Variants in RBM27 observed in about 807,000 individuals in gnomAD.
RBM27 encodes the protein RNA binding motif protein 27.
RBM27 carries 22 observed loss-of-function variants against 135.3 expected under a neutral mutation model. That is an observed-to-expected ratio of 0.16 (90% CI 0.12 to 0.23). The LOEUF is 0.23. Among genes scored for constraint, RBM27 ranks in the 10% least tolerant of loss-of-function variants. The pLI is 1.00. For missense variants in RBM27, 1,009 were observed against 1,281.0 expected (o/e 0.79, Z 3.24); for synonymous variants, 481 against 442.4 (o/e 1.09, Z -1.10).
rs1314500766 is a variant in RBM27 at position 146,232,357 on chromosome 5, G to A, written c.851-1093G>A. Among the ~76,000 whole-genome samples the A allele has an allele frequency of 1.3e-5, 2 of 152,118 alleles. 1 individual carries two copies. Among genetic ancestry groups the A allele is most frequent in the Non-Finnish European group, 2.9e-5 (2 of 68,006 alleles). The stretch of plus-strand genomic sequence containing the variant: ...TACTCCTTGCCAAGGCCAACGTAAT[G>A]TTATCAATTTGTTGTTTATCTTTCC... On this transcript the variant is annotated intron_variant, in intron 6 of 20. Transcript: ENST00000265271.
intron 15 of RBM27, among the ~76,000 whole-genome samples, chr5:146,268,189 G>A (rs1385552819): frequency 2.0e-5 from 3 of 151,686 alleles, no homozygotes; most frequent in Non-Finnish European, 2.9e-5. Flanking sequence ...ACAGGAGGGT[G>A]GGAGGCAAAA....
chr5:146,277,406 A>G (rs1442954948), intron 19 of RBM27, among the ~76,000 whole-genome samples: 1 of 152,194 alleles, frequency 6.6e-6, no homozygotes, highest in African/African-American at 2.4e-5. Context: ...AGAATATGCC[A>G]TAATTTTTAT....
At chr5:146,235,525 C>T (rs1259982079) in intron 7 of RBM27, among the ~76,000 whole-genome samples, 2 of 151,294 alleles carry the variant, frequency 1.3e-5, no homozygotes, top group Non-Finnish European at 2.9e-5. Flanking sequence ...CACTGCACTG[C>T]AGCCTGGGTG....
chr5:146,240,223 A>G (rs1309672075), intron 8 of RBM27, among the ~76,000 whole-genome samples: 2 of 149,494 alleles, frequency 1.3e-5, no homozygotes, highest in Non-Finnish European at 3.0e-5. Context: ...TTTCCTACTA[A>G]TATACTCTGT....
chr5:146,283,493 C>T (rs190160651), intron 19 of RBM27, among the ~76,000 whole-genome samples: 47 of 152,062 alleles, frequency 3.1e-4, no homozygotes, highest in African/African-American at 1.0e-3. Context: ...GTGTGATCTT[C>T]CCACTGCACA....
At chr5:146,274,515 C>T (rs1278273172) in intron 19 of RBM27, among the ~76,000 whole-genome samples, 3 of 152,154 alleles carry the variant, frequency 2.0e-5, no homozygotes, top group Non-Finnish European at 4.4e-5. Context: ...GCCCGCCGGC[C>T]GCGTTGGCCT....
rs769679530 is a variant in RBM27 at position 146,223,422 on chromosome 5, C to T, written c.198C>T (p.Asp66=). The T allele has an allele frequency of 6.3e-7, 1 of 1,595,098 alleles. No homozygotes were observed. ...CCTTAGAAACTTCAGGTTTTGTGGA[C>T]AAACTATTTGAAAGTCTCTATACTA... is the stretch of plus-strand genomic sequence containing the variant. ...FLQKETSGFV[D]KLFESLYTKN... The change falls in exon 3 of 21, where the codon GAC becomes GAT. Residue 66 remains aspartate (D), a synonymous_variant. Coordinates refer to ENST00000265271, the MANE Select transcript of RBM27 (RefSeq NM_018989.2).
chr5:146,268,245 C>CCT (rs1758704296), intron 15 of RBM27, among the ~76,000 whole-genome samples: 1 of 142,248 alleles, frequency 7.0e-6, no homozygotes, highest in Admixed American at 7.1e-5. Context: ...TTTCTTATTT[C>CCT]TTTTTTTTTT....
chr5:146,247,718 G>A (rs1295243776), intron 8 of RBM27, among the ~76,000 whole-genome samples: 2 of 151,638 alleles, frequency 1.3e-5, no homozygotes, highest in Admixed American at 1.3e-4. Flanking sequence ...TCTTTTTTTG[G>A]CAAGAACATT....
chr5:146,244,092 A>G (rs994419946), intron 8 of RBM27, among the ~76,000 whole-genome samples: 1 of 152,248 alleles, frequency 6.6e-6, no homozygotes, highest in Non-Finnish European at 1.5e-5. Context: ...TAAAGCATTC[A>G]TTTAGGCTGC....
intron 18 of RBM27, 58 bp downstream of exon 18, chr5:146,271,116 T>C: frequency 7.4e-7 from 1 of 1,358,730 alleles, no homozygotes; most frequent in South Asian, 1.2e-5. Context: ...AAAGTTTTCC[T>C]TTGACCGGGC....
At chr5:146,231,584 A>G (rs1346705539) in intron 6 of RBM27, among the ~76,000 whole-genome samples, 3 of 151,876 alleles carry the variant, frequency 2.0e-5, no homozygotes, top group Non-Finnish European at 4.4e-5. Context: ...TTTCATAGAC[A>G]CTAGTAATTG....
At chr5:146,282,946 ACT>A (rs933052531) in intron 19 of RBM27, among the ~76,000 whole-genome samples, 24 of 152,174 alleles carry the variant, frequency 1.6e-4, no homozygotes, top group African/African-American at 5.5e-4. Context: ...TTAATTTCAG[ACT>A]CTGTATACAT....
chr5:146,266,765 ATC>A (rs1758636015), intron 14 of RBM27, among the ~76,000 whole-genome samples: 1 of 152,062 alleles, frequency 6.6e-6, no homozygotes. Flanking sequence ...GAGAGACCCT[ATC>A]TCTACAAAAA....
chr5:146,222,132 T>TC (rs1647355236), intron 2 of RBM27, among the ~76,000 whole-genome samples: 1 of 152,226 alleles, frequency 6.6e-6, no homozygotes, highest in East Asian at 1.9e-4. Flanking sequence ...AAGGGTCTGA[T>TC]TATTGTCTTA....
In RBM27 at chr5:146,285,937, CT is replaced by C. The variant is rs1561575034; in HGVS notation, c.3100-7del. 6.2e-7 allele frequency: 1 copy of C among 1,607,388 alleles called. No individual in the cohort carries two copies. Among genetic ancestry groups the C allele is most frequent in the African/African-American group, 1.3e-5 (1 of 74,754 alleles). Reference sequence around the variant, plus strand: ...TGCCACTAAGCAGATTTTAACCTCTCTTTCTTCAGGAAACAGAAACCTCAGA... The same window carrying C: ...TGCCACTAAGCAGATTTTAACCTCTCTTCTTCAGGAAACAGAAACCTCAGA... On this transcript the variant is annotated splice_polypyrimidine_tract_variant and intron_variant, in intron 20 of 20. Transcript: ENST00000265271.
At chr5:146,245,533 A>T (rs964478803) in intron 8 of RBM27, among the ~76,000 whole-genome samples, 5 of 152,202 alleles carry the variant, frequency 3.3e-5, no homozygotes, top group Admixed American at 2.6e-4. Context: ...TATCTTTCAG[A>T]AAATACTTTC....
At chr5:146,213,761 G>C (rs1756074619) in intron 1 of RBM27, among the ~76,000 whole-genome samples, 1 of 152,158 alleles carries the variant, frequency 6.6e-6, no homozygotes, top group Non-Finnish European at 1.5e-5. Context: ...GTGCAATAGA[G>C]ATTTCATTAA....
At chr5:146,234,256 A>G (rs1757068869) in intron 7 of RBM27, among the ~76,000 whole-genome samples, 1 of 152,196 alleles carries the variant, frequency 6.6e-6, no homozygotes, top group Non-Finnish European at 1.5e-5. Context: ...TCTCTTCAAG[A>G]ATATTGAAAT....
Sources: allele counts gnomAD v4.1 joint callset (sites outside exome capture counted in the v4.1 genomes callset), GRCh38; gene constraint gnomAD v4.1.1; transcripts MANE v1.5; gene names NCBI Gene and HGNC (gene_info 2026-07-23, HGNC 2026-07-21).